ECT2L: variants seen among roughly 807,000 people sequenced by gnomAD.
ECT2L encodes the protein epithelial cell transforming 2 like, also known as epithelial cell-transforming sequence 2 oncogene-like.
A neutral mutation model predicts 122.8 loss-of-function variants in ECT2L; 126 were observed. That is an observed-to-expected ratio of 1.03 (90% CI 0.89 to 1.19). The LOEUF is 1.19. ECT2L is among the 50% of genes most tolerant of loss of function. The pLI, the probability that ECT2L is intolerant of heterozygous loss-of-function variation, is 0.00. For synonymous variants in ECT2L, 385 were observed against 381.8 expected (o/e 1.01, Z -0.10); for missense variants, 1,012 against 1,064.1 (o/e 0.95, Z 0.68).
chr6:138,864,378 A>G (rs565059053), intron 11 of ECT2L, among the ~76,000 whole-genome samples: 1 of 152,370 alleles, frequency 6.6e-6, no homozygotes, highest in East Asian at 1.9e-4. Flanking sequence ...ACAGTAGAGG[A>G]AACAAAGCAA....
chr6:138,846,821 G>A (rs570953833), intron 8 of ECT2L, 144 bp downstream of exon 8: 2 of 1,004,802 alleles, frequency 2.0e-6, no homozygotes, highest in Admixed American at 2.7e-5. Context: ...AATCAAGCCA[G>A]GTGTGGTGGC....
At chr6:138,876,649 G>T in intron 14 of ECT2L, 91 bp downstream of exon 14, 9 of 711,884 alleles carry the variant, frequency 1.3e-5, no homozygotes, top group South Asian at 5.4e-5. Flanking sequence ...CATTTTCCTT[G>T]AAAATTTCCC....
At chr6:138,888,306 CT>C (rs944928638) in intron 19 of ECT2L, among the ~76,000 whole-genome samples, 4 of 140,400 alleles carry the variant, frequency 2.8e-5, no homozygotes, top group African/African-American at 1.1e-4. Context: ...TCATTCACTT[CT>C]TTTTCTTTTC....
chr6:138,861,141 G>T (rs1777816104), intron 10 of ECT2L, among the ~76,000 whole-genome samples: 1 of 152,050 alleles, frequency 6.6e-6, no homozygotes. Context: ...ATGGACATTT[G>T]GGTTGGTTCC....
At chr6:138,823,086 A>T in intron 4 of ECT2L, 1 of 1,575,810 alleles carries the variant, frequency 6.3e-7, no homozygotes, top group Non-Finnish European at 8.7e-7. Context: ...AATGTGCAAA[A>T]TAACTTCAGC....
At chr6:138,871,084 GA>G (rs1778235909) in intron 13 of ECT2L, among the ~76,000 whole-genome samples, 1 of 152,068 alleles carries the variant, frequency 6.6e-6, no homozygotes, top group African/African-American at 2.4e-5. Context: ...AGGCCAAAAA[GA>G]ATAATTTTGC....
chr6:138,876,389 G>A (rs1778453130), intron 13 of ECT2L, 83 bp from the exon 14 acceptor site: 1 of 888,152 alleles, frequency 1.1e-6, no homozygotes, highest in African/African-American at 1.7e-5. Flanking sequence ...AGAGGCTTCT[G>A]AGGGCCTCCT....
intron 4 of ECT2L, among the ~76,000 whole-genome samples, chr6:138,819,301 C>CT (rs200640503): frequency 0.036 from 5,376 of 150,618 alleles, 277 homozygotes; most frequent in African/African-American, 0.12. Context: ...AGCCAAAGCT[C>CT]TTTTTTTTTG....
At position 138,880,991 on chromosome 6, in the gene ECT2L, G is replaced by A. The variant is rs200797197; in HGVS notation, c.1700G>A (p.Arg567Gln). ...RILQKDSAEKRARVVRELLQS... is the reference protein window; with the variant it reads ...RILQKDSAEKQARVVRELLQS... ...CTCCAGAAGGACTCAGCAGAAAAGC[G>A]AGCTAGAGTTGTCAGAGAACTCTTA... is the stretch of plus-strand genomic sequence containing the variant. The change falls in exon 15 of 22, where the codon CGA (arginine) becomes CAA (glutamine). Residue 567 changes from arginine (R) to glutamine (Q), a missense_variant. By Grantham distance (43) the Arg-to-Gln change is conservative (BLOSUM62 1). Coordinates refer to ENST00000541398, the MANE Select transcript of ECT2L (RefSeq NM_001077706.3). 9.3e-5 allele frequency: 150 copies of A among 1,613,998 alleles called. No homozygotes were observed. The highest frequency in any genetic ancestry group is 1.6e-4 in the Middle Eastern group (1 of 6,084).
intron 13 of ECT2L, among the ~76,000 whole-genome samples, chr6:138,870,671 T>C (rs1164281530): frequency 1.3e-5 from 2 of 151,984 alleles, no homozygotes. Context: ...AGTTCTTTTT[T>C]TTCTTAGTTG....
At chr6:138,893,975 C>G (rs778273118) in intron 20 of ECT2L, among the ~76,000 whole-genome samples, 12 of 152,152 alleles carry the variant, frequency 7.9e-5, no homozygotes, top group South Asian at 2.1e-4. Flanking sequence ...TATAAAGGAT[C>G]GGAAAAAAGC....
chr6:138,889,867 G>A (rs1778958265), intron 20 of ECT2L, among the ~76,000 whole-genome samples: 1 of 152,160 alleles, frequency 6.6e-6, no homozygotes, highest in Admixed American at 6.5e-5. Flanking sequence ...AAACTTTTCT[G>A]TAAAGGTTCA....
At chr6:138,879,493 G>A (rs761808887) in intron 14 of ECT2L, 5 of 152,040 alleles carry the variant, frequency 3.3e-5, no homozygotes, top group Non-Finnish European at 7.4e-5. Context: ...AAATTTTCTG[G>A]TATAAAGATG....
intron 20 of ECT2L, among the ~76,000 whole-genome samples, chr6:138,898,473 T>C (rs553375033): frequency 2.6e-5 from 4 of 152,286 alleles, no homozygotes; most frequent in African/African-American, 7.2e-5. Flanking sequence ...TCTTGGACAT[T>C]TTTAAACTAC....
chr6:138,850,027 A>G (rs1777378729), intron 9 of ECT2L, among the ~76,000 whole-genome samples: 1 of 151,886 alleles, frequency 6.6e-6, no homozygotes, highest in Admixed American at 6.6e-5. Context: ...CTGAAAAAAA[A>G]CTTCTCTTTT....
At chr6:138,858,050 C>A (rs970593288) in intron 10 of ECT2L, among the ~76,000 whole-genome samples, 5 of 152,070 alleles carry the variant, frequency 3.3e-5, no homozygotes, top group African/African-American at 1.2e-4. Flanking sequence ...GGGAGATTGC[C>A]CCCTTAATTC....
intron 4 of ECT2L, among the ~76,000 whole-genome samples, chr6:138,819,208 T>A (rs1292240120): frequency 6.8e-6 from 1 of 146,686 alleles, no homozygotes; most frequent in Non-Finnish European, 1.5e-5. Flanking sequence ...GCAATTGGGA[T>A]GGTTTTTAGA....
chr6:138,796,415 G>A (rs1466691603), intron 1 of ECT2L, among the ~76,000 whole-genome samples: 1 of 152,196 alleles, frequency 6.6e-6, no homozygotes, highest in Non-Finnish European at 1.5e-5. Context: ...GCGTAGGGTA[G>A]GGTTTGCATC....
At chr6:138,891,421 A>C (rs1045981737) in intron 20 of ECT2L, among the ~76,000 whole-genome samples, 2 of 152,150 alleles carry the variant, frequency 1.3e-5, no homozygotes, top group African/African-American at 4.8e-5. Flanking sequence ...GATAAGAGAC[A>C]TTTACCATCT....
Sources: gnomAD v4.1 joint callset for allele counts (sites outside exome capture counted in the v4.1 genomes callset) on GRCh38, gnomAD v4.1.1 for gene constraint, MANE v1.5 for transcripts, NCBI Gene and HGNC (gene_info 2026-07-23, HGNC 2026-07-21) for gene names.